Variants in FRMD5 observed in about 807,000 individuals in gnomAD.
FRMD5 encodes the protein FERM domain containing 5, also known as FERM domain-containing protein 5.
In FRMD5, 20 loss-of-function variants were observed where a neutral mutation model predicts 69.0. The observed-to-expected ratio is 0.29, with a 90% confidence interval of 0.20 to 0.42. The LOEUF (loss-of-function observed/expected upper bound fraction) is 0.42, where lower values mean the gene tolerates loss of function less well. Ranked by LOEUF, FRMD5 falls within the 10% of genes least tolerant of loss-of-function variation. The pLI, the probability that FRMD5 is intolerant of heterozygous loss-of-function variation, is 1.00. For missense variants in FRMD5, 595 were observed against 708.6 expected, an observed-to-expected ratio of 0.84 and a Z score of 1.82; for synonymous variants, 271 against 260.1, an observed-to-expected ratio of 1.04 and a Z score of -0.40.
At chr15:44,142,242 C>A (rs1279776111) in intron 1 of FRMD5, among the ~76,000 whole-genome samples, 2 of 152,148 alleles carry the variant, frequency 1.3e-5, no homozygotes, top group African/African-American at 2.4e-5. Flanking sequence ...TTCTATCTGG[C>A]CATCAAAACC....
intron 1 of FRMD5, among the ~76,000 whole-genome samples, chr15:43,946,073 C>T (rs1020050774): frequency 6.6e-6 from 1 of 151,918 alleles, no homozygotes; most frequent in Non-Finnish European, 1.5e-5. Flanking sequence ...AAAAAAATTC[C>T]CCAAAGTCTC....
intron 1 of FRMD5, among the ~76,000 whole-genome samples, chr15:44,183,260 C>T (rs1440757968): frequency 6.6e-6 from 1 of 151,958 alleles, no homozygotes; most frequent in Non-Finnish European, 1.5e-5. Flanking sequence ...AGGGGGGTAG[C>T]AGAGAGATTA....
At chr15:43,934,490 C>T (rs2089726326) in intron 1 of FRMD5, among the ~76,000 whole-genome samples, 1 of 152,030 alleles carries the variant, frequency 6.6e-6, no homozygotes, top group Non-Finnish European at 1.5e-5. Flanking sequence ...GTAGCTTTAA[C>T]AGGTAGATGT....
chr15:44,197,569 CT>C (rs917167771), upstream of FRMD5, among the ~76,000 whole-genome samples: 2 of 150,494 alleles, frequency 1.3e-5, no homozygotes, highest in African/African-American at 4.9e-5. Context: ...GTAGTCTCAG[CT>C]ACTCAGGAGG....
At chr15:44,084,884 A>G (rs1894133860) in intron 1 of FRMD5, among the ~76,000 whole-genome samples, 1 of 152,114 alleles carries the variant, frequency 6.6e-6, no homozygotes, top group Non-Finnish European at 1.5e-5. Flanking sequence ...ACCATTCCCC[A>G]TGGGCAATTA....
At chr15:43,939,715 G>T (rs2089829154) in intron 1 of FRMD5, among the ~76,000 whole-genome samples, 2 of 152,032 alleles carry the variant, frequency 1.3e-5, no homozygotes, top group South Asian at 4.1e-4. Context: ...GTGCCAACAG[G>T]CCCAGCTAAT....
chr15:43,960,424 T>C (rs2090180181), intron 1 of FRMD5, among the ~76,000 whole-genome samples: 1 of 152,160 alleles, frequency 6.6e-6, no homozygotes, highest in Admixed American at 6.5e-5. Flanking sequence ...TAATTTTTTG[T>C]ATATTTAGTA....
intron 1 of FRMD5, among the ~76,000 whole-genome samples, chr15:43,942,629 G>A (rs1423287783): frequency 6.6e-6 from 1 of 152,194 alleles, no homozygotes; most frequent in Non-Finnish European, 1.5e-5. Context: ...AATTTTAAAT[G>A]TTTACAGTGA....
chr15:43,993,191 TTTTTG>T (rs1404415445), intron 1 of FRMD5, among the ~76,000 whole-genome samples: 6 of 152,092 alleles, frequency 3.9e-5, no homozygotes, highest in African/African-American at 7.2e-5. Flanking sequence ...CATAATAGTT[TTTTTG>T]TTTTGTTTTG....
chr15:44,151,190 G>A (rs1595526575), intron 1 of FRMD5, among the ~76,000 whole-genome samples: 1 of 151,918 alleles, frequency 6.6e-6, no homozygotes, highest in Non-Finnish European at 1.5e-5. Context: ...GAGATCAGGA[G>A]ATTGAGACCA....
intron 1 of FRMD5, among the ~76,000 whole-genome samples, chr15:44,020,918 T>C (rs1891183792): frequency 6.6e-6 from 1 of 152,218 alleles, no homozygotes; most frequent in East Asian, 1.9e-4. Context: ...ATTTCCATCA[T>C]TTAGATATAA....
intron 1 of FRMD5, among the ~76,000 whole-genome samples, chr15:43,971,673 C>T (rs1263683323): frequency 6.6e-6 from 1 of 150,436 alleles, no homozygotes; most frequent in Non-Finnish European, 1.5e-5. Flanking sequence ...GTTGAAATGA[C>T]ATTATATGCA....
intron 1 of FRMD5, among the ~76,000 whole-genome samples, chr15:44,116,165 A>G (rs982906065): frequency 1.3e-5 from 2 of 150,958 alleles, no homozygotes; most frequent in Non-Finnish European, 2.9e-5. Context: ...GTTTCAGAAT[A>G]TATCTATATA....
At chr15:43,937,014 T>G (rs1293678626) in intron 1 of FRMD5, among the ~76,000 whole-genome samples, 1 of 152,204 alleles carries the variant, frequency 6.6e-6, no homozygotes. Context: ...CATAGCCAAG[T>G]TATTTTTAGG....
Position 43,871,072 on chromosome 15 carries a change from G to C in FRMD5, c.*2813C>G, listed in dbSNP as rs1022793770. ...CTACAATGAGATAAACTAATTTTGA[G>C]AGAAAATGAGAGACATGTTAGAACA... is the stretch of plus-strand genomic sequence containing the variant. On this transcript the variant is annotated 3_prime_UTR_variant, in exon 14 of 14. Coordinates refer to ENST00000417257, the MANE Select transcript of FRMD5 (RefSeq NM_032892.5). 6.6e-6 allele frequency: 1 copy of C among 152,114 alleles called. No individual in the cohort carries two copies. Among genetic ancestry groups the C allele is most frequent in the Non-Finnish European group, 1.5e-5 (1 of 68,038 alleles). 9.4% of individuals were successfully genotyped at this position (152,114 alleles called of 1,614,324 possible).
intron 1 of FRMD5, among the ~76,000 whole-genome samples, chr15:44,110,049 T>G (rs1265058503): frequency 6.6e-6 from 1 of 152,236 alleles, no homozygotes; most frequent in Non-Finnish European, 1.5e-5. Context: ...TTTGTGTATT[T>G]ACTGTAAATT....
intron 1 of FRMD5, among the ~76,000 whole-genome samples, chr15:44,009,819 G>C (rs972159661): frequency 6.6e-6 from 1 of 152,110 alleles, no homozygotes; most frequent in African/African-American, 2.4e-5. Context: ...AGGCTTAAGG[G>C]GAAAAGGTAA....
intron 1 of FRMD5, among the ~76,000 whole-genome samples, chr15:44,052,663 T>A (rs758728728): frequency 2.6e-5 from 4 of 152,190 alleles, no homozygotes; most frequent in Non-Finnish European, 5.9e-5. Context: ...CTCTAATATA[T>A]CAGTTTTAGT....
chr15:44,069,499 T>C (rs2140407971), intron 1 of FRMD5, among the ~76,000 whole-genome samples: 1 of 151,648 alleles, frequency 6.6e-6, no homozygotes, highest in Non-Finnish European at 1.5e-5. Flanking sequence ...AAAAAAAAAC[T>C]GTTGATACAC....
Sources: allele counts gnomAD v4.1 joint callset (sites outside exome capture counted in the v4.1 genomes callset), GRCh38; gene constraint gnomAD v4.1.1; transcripts MANE v1.5; gene names NCBI Gene and HGNC (gene_info 2026-07-23, HGNC 2026-07-21).